The following ZNF423 variants were observed in gnomAD, a reference collection of about 807,000 sequenced individuals.
The protein encoded by ZNF423 is zinc finger protein 423, also known as Ebf-associated zinc finger protein.
In ZNF423, 12 loss-of-function variants were observed where a neutral mutation model predicts 95.8. The observed-to-expected ratio is 0.13, with a 90% CI of 0.08 to 0.20. The LOEUF is 0.20. Ranked by LOEUF, ZNF423 falls within the 10% of genes least tolerant of loss-of-function variation. ZNF423 has a pLI of 1.00. For missense variants in ZNF423, 1,316 were observed against 1,737.1 expected (o/e 0.76, Z 4.31); for synonymous variants, 749 against 711.9 (o/e 1.05, Z -0.83).
At chr16:49,804,274 AT>A (rs925236608) in intron 1 of ZNF423, among the ~76,000 whole-genome samples, 2 of 152,000 alleles carry the variant, frequency 1.3e-5, no homozygotes, top group Non-Finnish European at 2.9e-5. Flanking sequence ...TAAAATTCTG[AT>A]TTTTTTACAC....
chr16:49,738,992 T>A (rs924192844), intron 2 of ZNF423, among the ~76,000 whole-genome samples: 2 of 151,764 alleles, frequency 1.3e-5, no homozygotes, highest in Non-Finnish European at 2.9e-5. Flanking sequence ...TAATGACACA[T>A]ACAAGCAGCA....
At chr16:49,718,704 C>T (rs928736867) in intron 3 of ZNF423, among the ~76,000 whole-genome samples, 11 of 152,224 alleles carry the variant, frequency 7.2e-5, no homozygotes, top group East Asian at 1.9e-4. Flanking sequence ...CTGGTGAGGG[C>T]GCATTTCTCA....
rs752832632 is a variant in ZNF423, at chr16:49,638,744, C to T, written c.432G>A (p.Leu144=). 6.8e-6 allele frequency: 11 copies of T among 1,614,038 alleles called. No homozygotes were observed. Among genetic ancestry groups the T allele is most frequent in the Middle Eastern group, 1.6e-4 (1 of 6,084 alleles). The change falls in exon 4 of 8, where the codon CTG becomes CTA. Residue 144 remains leucine (L), a synonymous_variant. Coordinates refer to ENST00000563137, the MANE Select transcript of ZNF423 (RefSeq NM_001379286.1). The surrounding 1 kb of genome is among the most constrained non-coding windows in gnomAD (Gnocchi z 5.6). ...TGTCGCAGAACTGGCAAGGGTATGG[C>T]AGGCCCGTGCCCCCTTCCTCCTCGC... ...GLGEEEGGTG[L]PYPCQFCDKS...
At chr16:49,552,274 G>A (rs951293152) in intron 5 of ZNF423, among the ~76,000 whole-genome samples, 3 of 152,194 alleles carry the variant, frequency 2.0e-5, no homozygotes, top group Admixed American at 2.0e-4. Flanking sequence ...TGTGACCTTG[G>A]GCAAGCTCCT....
intron 2 of ZNF423, among the ~76,000 whole-genome samples, chr16:49,781,613 C>G (rs932941359): frequency 2.0e-5 from 3 of 152,174 alleles, no homozygotes; most frequent in African/African-American, 7.2e-5. Flanking sequence ...GAGGCAGCTC[C>G]GCGTGGTTCA....
At chr16:49,583,177 CTG>C in intron 5 of ZNF423, among the ~76,000 whole-genome samples, 1 of 152,196 alleles carries the variant, frequency 6.6e-6, no homozygotes. Context: ...CCTTCCTGGA[CTG>C]ATGGGAACAA....
rs746717122 is a variant in ZNF423, at chr16:49,638,896, A to G, written c.302-22T>C. On this transcript the variant is annotated intron_variant, in intron 3 of 7. Coordinates refer to ENST00000563137, the MANE Select transcript of ZNF423 (RefSeq NM_001379286.1). The surrounding 1 kb of genome is among the most constrained non-coding windows in gnomAD (Gnocchi z 5.6). Reference sequence around the variant, plus strand: ...CCATCTGCAAGAGAAGGCAGAGAGGATATTAGAGGCAATTCCCAGGGCTGC... The same window carrying G: ...CCATCTGCAAGAGAAGGCAGAGAGGGTATTAGAGGCAATTCCCAGGGCTGC... 2 of 1,579,070 alleles carry G rather than the reference A, an allele frequency of 1.3e-6. No homozygotes were observed. The highest frequency in any genetic ancestry group is 3.4e-4 in the Middle Eastern group (2 of 5,886).
At chr16:49,793,771 G>A (rs2034452968) in intron 1 of ZNF423, among the ~76,000 whole-genome samples, 1 of 152,152 alleles carries the variant, frequency 6.6e-6, no homozygotes, top group Admixed American at 6.5e-5. Context: ...GCGGAGGCAT[G>A]AGGGCAGGTG....
chr16:49,520,349 G>C (rs1184367475), intron 7 of ZNF423, among the ~76,000 whole-genome samples: 1 of 152,194 alleles, frequency 6.6e-6, no homozygotes, highest in Non-Finnish European at 1.5e-5. Flanking sequence ...CTCCGAACTT[G>C]GAATCAAAGA....
At chr16:49,762,744 C>T (rs2033855335) in intron 2 of ZNF423, among the ~76,000 whole-genome samples, 2 of 152,306 alleles carry the variant, frequency 1.3e-5, no homozygotes, top group South Asian at 4.2e-4. Flanking sequence ...TAGGTGGGCC[C>T]TTTGACTCTT....
chr16:49,745,603 C>CA (rs1479008558), intron 2 of ZNF423, among the ~76,000 whole-genome samples: 1 of 152,208 alleles, frequency 6.6e-6, no homozygotes, highest in East Asian at 1.9e-4. Flanking sequence ...TTTTGAGGCG[C>CA]ACTCGAGCGC....
At chr16:49,494,259 G>A (rs1967075458) in intron 7 of ZNF423, among the ~76,000 whole-genome samples, 1 of 152,236 alleles carries the variant, frequency 6.6e-6, no homozygotes, top group Non-Finnish European at 1.5e-5. Context: ...TTACACTCAA[G>A]AAAGAACTTC....
intron 1 of ZNF423, among the ~76,000 whole-genome samples, chr16:49,812,685 A>G (rs2034772892): frequency 6.6e-6 from 1 of 152,158 alleles, no homozygotes. Flanking sequence ...ATCTCAGAAA[A>G]CCTAAATAAA....
At chr16:49,590,536 G>C (rs1325950554) in intron 5 of ZNF423, among the ~76,000 whole-genome samples, 1 of 152,216 alleles carries the variant, frequency 6.6e-6, no homozygotes, top group Non-Finnish European at 1.5e-5. Flanking sequence ...CCCAGGGCCA[G>C]GGAGAGCCTC....
intron 7 of ZNF423, among the ~76,000 whole-genome samples, chr16:49,498,012 G>C (rs1001628923): frequency 6.6e-6 from 1 of 152,186 alleles, no homozygotes; most frequent in African/African-American, 2.4e-5. Context: ...GACAGCCCAG[G>C]TGAGGATTTG....
intron 3 of ZNF423, among the ~76,000 whole-genome samples, chr16:49,672,637 C>A (rs1596828861): frequency 1.3e-5 from 2 of 152,082 alleles, no homozygotes; most frequent in South Asian, 4.1e-4. Context: ...GCCAACATGG[C>A]GAAACCTGTC....
intron 5 of ZNF423, among the ~76,000 whole-genome samples, chr16:49,607,190 A>G (rs962959031): frequency 6.6e-6 from 1 of 151,516 alleles, no homozygotes; most frequent in Non-Finnish European, 1.5e-5. Context: ...GCCTTATGAT[A>G]AACCCTTCAT....
intron 1 of ZNF423, among the ~76,000 whole-genome samples, chr16:49,830,386 C>A (rs938689293): frequency 6.6e-6 from 1 of 152,138 alleles, no homozygotes; most frequent in African/African-American, 2.4e-5. Flanking sequence ...ACACAAGCTC[C>A]CCCAGACAGT....
At chr16:49,746,119 C>T (rs1029536419) in intron 2 of ZNF423, among the ~76,000 whole-genome samples, 1 of 152,110 alleles carries the variant, frequency 6.6e-6, no homozygotes, top group East Asian at 1.9e-4. Flanking sequence ...CCTGTAACAA[C>T]ATCCTACATC....
Sources: allele counts gnomAD v4.1 joint callset (sites outside exome capture counted in the v4.1 genomes callset), GRCh38; gene constraint gnomAD v4.1.1; non-coding constraint Gnocchi (gnomAD v3.1); transcripts MANE v1.5; gene names NCBI Gene and HGNC (gene_info 2026-07-23, HGNC 2026-07-21).